LRP5: variants seen among roughly 807,000 people sequenced by gnomAD.
LRP5 encodes low-density lipoprotein receptor-related protein 5.
A neutral mutation model predicts 154.1 loss-of-function variants in LRP5; 62 were observed. That is an observed-to-expected ratio of 0.40 (90% CI 0.33 to 0.50). The LOEUF (loss-of-function observed/expected upper bound fraction) is 0.50. Among genes scored for constraint, LRP5 ranks in the 20% least tolerant of loss-of-function variants. The pLI is 0.55. For synonymous variants in LRP5, 966 were observed against 1,011.5 expected, an observed-to-expected ratio of 0.96 and a Z score of 0.85; for missense variants, 1,915 against 2,336.7, an observed-to-expected ratio of 0.82 and a Z score of 3.72.
intron 1 of LRP5, among the ~76,000 whole-genome samples, chr11:68,343,566 A>T (rs552767626): frequency 6.6e-6 from 1 of 152,228 alleles, no homozygotes; most frequent in Admixed American, 6.5e-5. Context: ...TGGGAGTATA[A>T]GTGATCCCTG....
At chr11:68,387,134 A>T (rs1023284291) in intron 6 of LRP5, among the ~76,000 whole-genome samples, 13 of 138,520 alleles carry the variant, frequency 9.4e-5, no homozygotes, top group Non-Finnish European at 1.5e-4. Flanking sequence ...TTTTTTTTTG[A>T]GATGGAGTCT....
intron 2 of LRP5, among the ~76,000 whole-genome samples, chr11:68,352,413 G>A (rs1450501355): frequency 2.6e-5 from 4 of 152,220 alleles, no homozygotes; most frequent in African/African-American, 7.2e-5. Context: ...GTTAGCTGTC[G>A]TTATAATAAA....
At chr11:68,445,475 T>TC in intron 21 of LRP5, 1 of 534,248 alleles carries the variant, frequency 1.9e-6, no homozygotes, top group Non-Finnish European at 3.2e-6. Context: ...CCCGGGTCTG[T>TC]CTGGCGTGAA....
rs1369351290 is a variant in LRP5 at position 68,420,703 on chromosome 11, C to A, written c.3028-2786C>A. ...TGGGTAACAGAGTGAGACTTCCTGT[C>A]TCAAAAAAAAAAAAAATCATCGGAT... On this transcript the variant is annotated intron_variant, in intron 13 of 22. Transcript: ENST00000294304. Among the ~76,000 whole-genome samples, 10 of 148,608 alleles carry A rather than the reference C, an allele frequency of 6.7e-5. No individual in the cohort carries two copies. In the East Asian group the frequency reaches 2.0e-3, roughly 29 times the overall value.
intron 21 of LRP5, among the ~76,000 whole-genome samples, chr11:68,444,940 A>T (rs1382552614): frequency 2.0e-5 from 3 of 152,044 alleles, no homozygotes; most frequent in Non-Finnish European, 4.4e-5. Flanking sequence ...TCTGGGCCAA[A>T]GAGGACCCTC....
chr11:68,380,385 G>A (rs1020746649), intron 5 of LRP5, among the ~76,000 whole-genome samples: 1 of 152,208 alleles, frequency 6.6e-6, no homozygotes, highest in African/African-American at 2.4e-5. Context: ...TACAGCTGCG[G>A]CAGAGCTGAG....
At chr11:68,383,950 A>G (rs2098641601) in intron 5 of LRP5, among the ~76,000 whole-genome samples, 1 of 152,204 alleles carries the variant, frequency 6.6e-6, no homozygotes, top group Admixed American at 6.5e-5. Context: ...CCCTACCAAT[A>G]CACACCAAAT....
chr11:68,402,549 C>A (rs1165674683), intron 7 of LRP5, among the ~76,000 whole-genome samples: 1 of 152,100 alleles, frequency 6.6e-6, no homozygotes, highest in East Asian at 1.9e-4. Context: ...TTGCCCCAGG[C>A]CCTGCCGTTG....
intron 8 of LRP5, 102 bp downstream of exon 8, chr11:68,403,801 C>T (rs1418169332): frequency 1.5e-5 from 21 of 1,395,902 alleles, no homozygotes; most frequent in South Asian, 1.0e-4. Flanking sequence ...TCAGGTGCCC[C>T]GACCTGGGGA....
intron 1 of LRP5, among the ~76,000 whole-genome samples, chr11:68,340,025 G>T (rs927087996): frequency 5.3e-5 from 8 of 152,250 alleles, no homozygotes; most frequent in Admixed American, 5.2e-4. Context: ...CGGATCACCT[G>T]AGGTCAGGAG....
chr11:68,419,176 G>A (rs2098664158), intron 13 of LRP5, among the ~76,000 whole-genome samples: 1 of 152,044 alleles, frequency 6.6e-6, no homozygotes, highest in South Asian at 2.1e-4. Flanking sequence ...TCTATTAATT[G>A]TTTTTATTTT....
chr11:68,403,499 G>T lies in LRP5; in HGVS notation c.1601G>T (p.Gly534Val). 1 of 1,614,130 alleles carries T rather than the reference G, an allele frequency of 6.2e-7. No individual in the cohort carries two copies. The highest frequency in any genetic ancestry group is 8.5e-7 in the Non-Finnish European group (1 of 1,180,026). The change falls in exon 8 of 23, where the codon GGG (glycine) becomes GTG (valine). Residue 534 changes from glycine (G) to valine (V), a missense_variant. Physicochemically the swap from Gly to Val is moderately radical, Grantham distance 109. This residue lies in a region of LRP5 where 773 missense variants were observed against 1,100.9 expected (regional missense o/e 0.70). Transcript: ENST00000294304. ...TDKIEVINVDGTKRRTLLEDK... is the reference protein window; with the variant it reads ...TDKIEVINVDVTKRRTLLEDK... ...GTCCTGCAGGTGATCAATGTTGATG[G>T]GACGAAGAGGCGGACCCTCCTGGAG...
chr11:68,321,473 G>A (rs111316510), intron 1 of LRP5, among the ~76,000 whole-genome samples: 1 of 152,140 alleles, frequency 6.6e-6, no homozygotes, highest in African/African-American at 2.4e-5. Context: ...GGTGTCAGAG[G>A]GCTGGATTTT....
intron 1 of LRP5, among the ~76,000 whole-genome samples, chr11:68,331,466 G>T (rs919495032): frequency 3.3e-5 from 5 of 152,226 alleles, no homozygotes; most frequent in African/African-American, 1.2e-4. Context: ...CAGGGCCATA[G>T]CCCCCAGCTC....
intron 13 of LRP5, among the ~76,000 whole-genome samples, chr11:68,420,969 G>A (rs933444074): frequency 7.2e-5 from 11 of 152,304 alleles, no homozygotes; most frequent in Non-Finnish European, 5.9e-5. Flanking sequence ...GCTCACGCCT[G>A]TAATCCCAGC....
intron 14 of LRP5, 130 bp from the exon 15 acceptor site, chr11:68,424,972 T>C (rs2098667856): frequency 4.2e-6 from 3 of 712,524 alleles, no homozygotes; most frequent in Non-Finnish European, 7.4e-6. Context: ...TAGTATAGAA[T>C]GTGACCTGTC....
intron 10 of LRP5, 111 bp downstream of exon 10, chr11:68,410,251 C>T: frequency 1.2e-6 from 1 of 853,168 alleles, no homozygotes; most frequent in Non-Finnish European, 1.9e-6. Flanking sequence ...GTGATTAGAG[C>T]TGTACTGACG....
At chr11:68,426,288 CGGT>C in intron 16 of LRP5, 101 bp downstream of exon 16, 2 of 1,021,798 alleles carry the variant, frequency 2.0e-6, no homozygotes, top group South Asian at 3.1e-5. Context: ...CTCAGCCAGG[CGGT>C]GGTCTCTGCC....
intron 22 of LRP5, among the ~76,000 whole-genome samples, 172 bp downstream of exon 22, chr11:68,446,705 G>T (rs1359095665): frequency 6.6e-6 from 1 of 152,212 alleles, no homozygotes. Context: ...TGCCTCCCCA[G>T]ACAAGCTCAG....
Sources: gnomAD v4.1 joint callset for allele counts (sites outside exome capture counted in the v4.1 genomes callset) on GRCh38, gnomAD v4.1.1 for gene constraint, gnomAD v4.1.1 regional missense constraint, MANE v1.5 for transcripts, NCBI Gene and HGNC (gene_info 2026-07-23, HGNC 2026-07-21) for gene names.